The following TASOR variants were observed in gnomAD, a reference collection of about 807,000 sequenced individuals.
The protein encoded by TASOR is protein TASOR.
A neutral mutation model predicts 178.6 loss-of-function variants in TASOR; 53 were observed. The observed-to-expected ratio is 0.30, with a 90% CI of 0.24 to 0.37. The LOEUF (loss-of-function observed/expected upper bound fraction) is 0.37. Among genes scored for constraint, TASOR ranks in the 10% least tolerant of loss-of-function variants. TASOR has a pLI of 1.00. For missense variants in TASOR, 1,815 were observed against 1,971.4 expected (o/e 0.92, Z 1.50); for synonymous variants, 713 against 696.2 (o/e 1.02, Z -0.38).
At chr3:56,674,201 TAAAAAAAAAAAAA>T (rs11348732) in intron 1 of TASOR, among the ~76,000 whole-genome samples, 1 of 111,850 alleles carries the variant, frequency 8.9e-6, no homozygotes, top group Non-Finnish European at 1.8e-5. Flanking sequence ...TCTTTAAGTT[TAAAAAAAAAAAAA>T]AAAAAAAAAA....
intron 9 of TASOR, among the ~76,000 whole-genome samples, chr3:56,661,776 AAT>A (rs2077600525): frequency 1.3e-5 from 2 of 152,232 alleles, no homozygotes; most frequent in African/African-American, 4.8e-5. Flanking sequence ...TACATAAAAA[AAT>A]ATATCTACTT....
rs1361239350 is a variant in TASOR, at chr3:56,620,215, A to AGTT, written c.*2819_*2821dup. 1 of 174,104 alleles carries AGTT rather than the reference A, an allele frequency of 5.7e-6. No individual in the cohort carries two copies. Among genetic ancestry groups the AGTT allele is most frequent in the Non-Finnish European group, 1.2e-5 (1 of 81,794 alleles). The allele number at this position is 174,104 out of a possible 1,614,324, so 10.8% of individuals were successfully genotyped here. A position where few individuals can be genotyped will look rare whatever the true frequency, so the allele number is the denominator to read the frequency against. On this transcript the variant is annotated 3_prime_UTR_variant, in exon 24 of 24. Transcript: ENST00000683822. ...AATAAGGCCCTAAAACAAAAAATACAGTTATGCTTTAACAAATTCTTAGCA... is the reference window on the plus strand; with the variant it reads ...AATAAGGCCCTAAAACAAAAAATACAGTTGTTATGCTTTAACAAATTCTTAGCA...
chr3:56,681,765 A>G (rs940876030), intron 1 of TASOR, among the ~76,000 whole-genome samples: 1 of 152,214 alleles, frequency 6.6e-6, no homozygotes, highest in Non-Finnish European at 1.5e-5. Flanking sequence ...ACAAAAAACG[A>G]TACTAATTTT....
At chr3:56,681,013 T>C (rs1285151160) in intron 1 of TASOR, among the ~76,000 whole-genome samples, 3 of 151,908 alleles carry the variant, frequency 2.0e-5, no homozygotes, top group African/African-American at 7.3e-5. Flanking sequence ...GCCTTTCCAG[T>C]TCCTACTGCC....
In TASOR at chr3:56,670,067, G is replaced by A; in HGVS notation, c.643+6C>T. 1 of 1,510,232 alleles carries A rather than the reference G, an allele frequency of 6.6e-7. No homozygotes were observed. Among genetic ancestry groups the A allele is most frequent in the Non-Finnish European group, 8.9e-7 (1 of 1,125,000 alleles). 93.6% of individuals were successfully genotyped at this position (1,510,232 alleles called of 1,614,324 possible). A position where few individuals can be genotyped will look rare whatever the true frequency, so the allele number is the denominator to read the frequency against. On this transcript the variant is annotated splice_donor_region_variant and intron_variant, in intron 4 of 23. Coordinates refer to ENST00000683822, the MANE Select transcript of TASOR (RefSeq NM_001365635.2). Reference sequence around the variant, plus strand: ...GATATTTATATTTAAAAAGAAAAAAGATTACCCATGGAAGGACTGCCAAGA... The same window carrying A: ...GATATTTATATTTAAAAAGAAAAAAAATTACCCATGGAAGGACTGCCAAGA...
chr3:56,679,064 T>C (rs571323675), intron 1 of TASOR, among the ~76,000 whole-genome samples: 12 of 149,868 alleles, frequency 8.0e-5, no homozygotes, highest in East Asian at 3.9e-4. Context: ...AAATAAACAA[T>C]TGTCTGATTT....
intron 11 of TASOR, 58 bp downstream of exon 11, chr3:56,660,673 A>G: frequency 2.3e-6 from 3 of 1,294,786 alleles, no homozygotes; most frequent in Non-Finnish European, 2.2e-6. Flanking sequence ...ATATGATCAC[A>G]CATGAATATG....
chr3:56,636,458 G>A (rs1391942829), intron 17 of TASOR, among the ~76,000 whole-genome samples: 3 of 149,680 alleles, frequency 2.0e-5, no homozygotes, highest in Non-Finnish European at 4.4e-5. Flanking sequence ...AGGCTGGAGT[G>A]CAGTGGTGAG....
chr3:56,646,926 G>T lies in TASOR; in HGVS notation c.1811C>A (p.Ala604Asp). 2 of 1,612,030 alleles carry T rather than the reference G, an allele frequency of 1.2e-6. No individual in the cohort carries two copies. Among genetic ancestry groups the T allele is most frequent in the Non-Finnish European group, 1.7e-6 (2 of 1,179,596 alleles). ...NKSHIDTCLHAYIFRPEVYQL... is the reference protein window; with the variant it reads ...NKSHIDTCLHDYIFRPEVYQL... ...ATACACTTCAGGCCGAAAAATATAG[G>T]CATGCAAACAAGTATCAATATGGGA... Residue 604 changes from alanine (A) to aspartate (D), a missense_variant, in exon 14 of 24, where the codon GCC (alanine) becomes GAC (aspartate). Transcript: ENST00000683822.
intron 8 of TASOR, among the ~76,000 whole-genome samples, chr3:56,663,172 C>G (rs1578270270): frequency 1.3e-5 from 2 of 151,990 alleles, no homozygotes; most frequent in East Asian, 3.8e-4. Context: ...GAGAGTAAGA[C>G]TCTGTCTCAG....
At chr3:56,629,601 T>TG (rs2076869118) in intron 18 of TASOR, among the ~76,000 whole-genome samples, 2 of 152,316 alleles carry the variant, frequency 1.3e-5, no homozygotes, top group South Asian at 2.1e-4. Context: ...TCCATGCTGG[T>TG]GAACATGGTA....
intron 23 of TASOR, 42 bp from the exon 24 acceptor site, chr3:56,623,608 C>T (rs764776253): frequency 1.3e-6 from 2 of 1,543,296 alleles, no homozygotes; most frequent in South Asian, 2.6e-5. Flanking sequence ...TTGAAATACA[C>T]AGTTTGTTTA....
intron 1 of TASOR, among the ~76,000 whole-genome samples, chr3:56,674,400 C>T (rs1435233908): frequency 6.6e-6 from 1 of 151,392 alleles, no homozygotes; most frequent in Non-Finnish European, 1.5e-5. Flanking sequence ...GTACCAGCTA[C>T]TTGGGAGGCT....
rs2076827373 is a variant in TASOR at position 56,627,615 on chromosome 3, C to T, written c.3997G>A (p.Glu1333Lys). 1 of 1,614,054 alleles carries T rather than the reference C, an allele frequency of 6.2e-7. No individual in the cohort carries two copies. The highest frequency in any genetic ancestry group is 8.5e-7 in the Non-Finnish European group (1 of 1,179,976). Residue 1333 changes from glutamate to lysine, a missense_variant, in exon 20 of 24, where the codon GAA becomes AAA. Physicochemically the swap from Glu to Lys is moderately conservative, Grantham distance 56. Coordinates refer to ENST00000683822, the MANE Select transcript of TASOR (RefSeq NM_001365635.2). The part of the protein sequence containing the change: ...FVSGGFIVSD[E>K]SILNPEVVTV... ...ACAACCTCTGGGTTTAGAATTGATT[C>T]ATCAGATACGATAAAACCTCCAGAT...
At position 56,651,962 on chromosome 3, in the gene TASOR, G is replaced by T. The variant is rs2077361401; in HGVS notation, c.1369-2905C>A. ...TAACTGATAAAAGAACAAACAAAAT[G>T]TGGTATTATCTACACAATGAAAGCA... On this transcript the variant is annotated intron_variant, in intron 11 of 23. Transcript: ENST00000683822. Among the ~76,000 whole-genome samples, 3 of 152,080 alleles carry T rather than the reference G, an allele frequency of 2.0e-5. No homozygotes were observed. In the South Asian group the frequency reaches 6.2e-4, roughly 32 times the overall value.
chr3:56,667,284 A>T (rs2030127422), intron 6 of TASOR, among the ~76,000 whole-genome samples: 1 of 152,218 alleles, frequency 6.6e-6, no homozygotes, highest in Admixed American at 6.5e-5. Context: ...TTAAAGAAAG[A>T]ACATTTCCAG....
intron 13 of TASOR, among the ~76,000 whole-genome samples, chr3:56,647,716 G>T (rs1013554030): frequency 1.3e-5 from 2 of 152,196 alleles, no homozygotes; most frequent in Non-Finnish European, 2.9e-5. Context: ...AAAGCCATTA[G>T]TGGGAACTTT....
At chr3:56,644,482 G>GA (rs1032730473) in intron 14 of TASOR, among the ~76,000 whole-genome samples, 7 of 151,672 alleles carry the variant, frequency 4.6e-5, no homozygotes, top group African/African-American at 7.3e-5. Context: ...GCTACTTCAG[G>GA]AAAAAAAAGA....
In TASOR at chr3:56,666,281, G is replaced by A. The variant is rs372097468; in HGVS notation, c.1001C>T (p.Pro334Leu). 6.2e-5 allele frequency: 96 copies of A among 1,539,332 alleles called. No homozygotes were observed. The African/African-American group carries it at 7.0e-4, about 11-fold the overall frequency. Residue 334 changes from proline (P) to leucine (L), a missense_variant, in exon 7 of 24, where the codon CCG becomes CTG. By Grantham distance (98) the Pro-to-Leu change is moderately conservative. This residue lies in a region of TASOR where 504 missense variants were observed against 645.3 expected (regional missense o/e 0.78). Coordinates refer to ENST00000683822, the MANE Select transcript of TASOR (RefSeq NM_001365635.2). ...SFTYKDDIQTPKFVPSSRSNS... is the reference protein window; with the variant it reads ...SFTYKDDIQTLKFVPSSRSNS... ...TTACCTTGATGAAGGTACAAACTTCGGAGTTTGTATATCATCTTTGTAAGT... is the reference window on the plus strand; with the variant it reads ...TTACCTTGATGAAGGTACAAACTTCAGAGTTTGTATATCATCTTTGTAAGT...
Sources: gnomAD v4.1 joint callset for allele counts (sites outside exome capture counted in the v4.1 genomes callset) on GRCh38, gnomAD v4.1.1 for gene constraint, gnomAD v4.1.1 regional missense constraint, MANE v1.5 for transcripts, NCBI Gene and HGNC (gene_info 2026-07-23, HGNC 2026-07-21) for gene names.